WWOX: variants seen among roughly 807,000 people sequenced by gnomAD.
The protein encoded by WWOX is WW domain containing oxidoreductase, also known as WW domain-containing oxidoreductase.
WWOX carries 69 observed loss-of-function variants against 46.2 expected under a neutral mutation model. The ratio of observed to expected loss-of-function variants is 1.49; its 90% CI spans 1.23 to 1.82. The LOEUF is 1.82. WWOX is among the 40% of genes most tolerant of loss of function. The pLI, the probability that WWOX is intolerant of heterozygous loss-of-function variation, is 0.00. For missense variants in WWOX, 919 were observed against 542.6 expected (o/e 1.69, Z -6.89); for synonymous variants, 359 against 202.6 (o/e 1.77, Z -6.56).
intron 8 of WWOX, chr16:78,899,081 C>G (rs568477882): frequency 1.3e-5 from 2 of 151,694 alleles, no homozygotes; most frequent in East Asian, 1.9e-4. Flanking sequence ...GCTTTTGTTT[C>G]TTTTTCTTGT....
chr16:78,658,784 C>T (rs1243169634), intron 8 of WWOX, among the ~76,000 whole-genome samples: 1 of 151,878 alleles, frequency 6.6e-6, no homozygotes, highest in Non-Finnish European at 1.5e-5. Flanking sequence ...GTGAAGATTC[C>T]ATTTCTAAAT....
chr16:78,426,653 C>G (rs550709773), intron 7 of WWOX, among the ~76,000 whole-genome samples: 1 of 152,056 alleles, frequency 6.6e-6, no homozygotes, highest in South Asian at 2.1e-4. Flanking sequence ...CTTTGCACAT[C>G]GTTATTTATT....
chr16:78,113,260 C>A (rs1288521058), intron 3 of WWOX, among the ~76,000 whole-genome samples: 2 of 152,142 alleles, frequency 1.3e-5, no homozygotes, highest in Admixed American at 6.5e-5. Context: ...TAATAGTCAT[C>A]CAGGGGATCC....
At chr16:79,065,563 G>A (rs968680119) in intron 8 of WWOX, among the ~76,000 whole-genome samples, 1 of 152,164 alleles carries the variant, frequency 6.6e-6, no homozygotes, top group Non-Finnish European at 1.5e-5. Context: ...AAAAAAACCA[G>A]TCTTAGGTTC....
chr16:78,742,690 C>T (rs2049257849), intron 8 of WWOX, among the ~76,000 whole-genome samples: 1 of 152,148 alleles, frequency 6.6e-6, no homozygotes, highest in African/African-American at 2.4e-5. Flanking sequence ...GAGCGTTCTG[C>T]CCTGCGGTTT....
At chr16:78,711,055 C>G (rs2048434768) in intron 8 of WWOX, among the ~76,000 whole-genome samples, 1 of 152,200 alleles carries the variant, frequency 6.6e-6, no homozygotes, top group Non-Finnish European at 1.5e-5. Context: ...CGACAGGCAT[C>G]TTAGAAAGTG....
chr16:78,764,709 G>A lies in WWOX; in HGVS notation c.1056+331957G>A, dbSNP rs939771322. Among the ~76,000 whole-genome samples, 5 of 150,702 alleles carry A rather than the reference G, an allele frequency of 3.3e-5. No individual in the cohort carries two copies. In the East Asian group the frequency reaches 1.0e-3, roughly 30 times the overall value. On this transcript the variant is annotated intron_variant, in intron 8 of 8. Coordinates refer to ENST00000566780, the MANE Select transcript of WWOX (RefSeq NM_016373.4). The stretch of plus-strand genomic sequence containing the variant: ...CAGTTTCCTCATCTGCAAAATGGGT[G>A]CAATTCTAGTACCTCCTTCCTAAGG...
intron 5 of WWOX, among the ~76,000 whole-genome samples, chr16:78,185,290 C>G (rs1047460005): frequency 6.6e-6 from 1 of 152,166 alleles, no homozygotes; most frequent in African/African-American, 2.4e-5. Context: ...TTTAATGCAA[C>G]ATGGAATCAG....
At chr16:78,595,478 A>T (rs2045466644) in intron 8 of WWOX, among the ~76,000 whole-genome samples, 1 of 152,164 alleles carries the variant, frequency 6.6e-6, no homozygotes, top group Admixed American at 6.5e-5. Context: ...TTTGCAACTA[A>T]CATACTCACT....
chr16:78,143,825 T>C, intron 4 of WWOX, among the ~76,000 whole-genome samples: 1 of 151,058 alleles, frequency 6.6e-6, no homozygotes, highest in East Asian at 1.9e-4. Flanking sequence ...TTCGTTTCCT[T>C]ACCTTGGTTG....
chr16:79,146,892 C>A (rs551958489), intron 8 of WWOX, among the ~76,000 whole-genome samples: 4 of 152,106 alleles, frequency 2.6e-5, no homozygotes, highest in Non-Finnish European at 4.4e-5. Context: ...ACATGTGTCC[C>A]TTCATGTCTA....
chr16:78,734,032 C>G (rs1027941208), intron 8 of WWOX, among the ~76,000 whole-genome samples: 1 of 151,816 alleles, frequency 6.6e-6, no homozygotes, highest in African/African-American at 2.4e-5. Context: ...TGCACTGTAG[C>G]CTGGGTGATA....
rs146349192 is a variant in WWOX, at chr16:79,097,692, T to C, written c.1057-113916T>C. On this transcript the variant is annotated intron_variant, in intron 8 of 8. Coordinates refer to ENST00000566780, the MANE Select transcript of WWOX (RefSeq NM_016373.4). Reference sequence around the variant, plus strand: ...GAACGCTGTGCAATTTAATTCTGTTTCCAAAAGATCTTTGGAGGATAAAGG... The same window carrying C: ...GAACGCTGTGCAATTTAATTCTGTTCCCAAAAGATCTTTGGAGGATAAAGG... Among the ~76,000 whole-genome samples, 8 of 152,270 alleles carry C rather than the reference T, an allele frequency of 5.3e-5. No homozygotes were observed. The East Asian group carries it at 9.7e-4, about 18-fold the overall frequency.
At chr16:78,524,889 A>G (rs2043427205) in intron 8 of WWOX, among the ~76,000 whole-genome samples, 1 of 109,032 alleles carries the variant, frequency 9.2e-6, no homozygotes, top group Non-Finnish European at 1.7e-5. Context: ...TTTTTGAGGC[A>G]GGCCTTAGGT....
At chr16:78,572,558 G>A (rs1597287119) in intron 8 of WWOX, among the ~76,000 whole-genome samples, 1 of 121,958 alleles carries the variant, frequency 8.2e-6, no homozygotes, top group Non-Finnish European at 1.6e-5. Flanking sequence ...AGCCATGATT[G>A]TACCACTGCA....
intron 8 of WWOX, among the ~76,000 whole-genome samples, chr16:78,661,249 C>G (rs1341517285): frequency 2.6e-5 from 4 of 152,174 alleles, no homozygotes; most frequent in Non-Finnish European, 4.4e-5. Flanking sequence ...TTATCTCCAG[C>G]AGCAGCAACA....
intron 4 of WWOX, among the ~76,000 whole-genome samples, chr16:78,154,705 C>T (rs1175878385): frequency 6.6e-6 from 1 of 152,018 alleles, no homozygotes; most frequent in African/African-American, 2.4e-5. Context: ...CCAAGTGCTA[C>T]TGCGGGGTTT....
intron 8 of WWOX, among the ~76,000 whole-genome samples, chr16:78,790,623 TTTTC>T (rs2050571571): frequency 6.6e-6 from 1 of 152,148 alleles, no homozygotes; most frequent in African/African-American, 2.4e-5. Flanking sequence ...GGCAGATTAA[TTTTC>T]TTTCTTTCTT....
In WWOX at chr16:79,048,954, C is replaced by G. The variant is rs191683264; in HGVS notation, c.1057-162654C>G. Reference sequence around the variant, plus strand: ...AGAGATGGGAGTTAAACACAGGTGTCCACTGGAGTCATGATTCCTCTATTC... The same window carrying G: ...AGAGATGGGAGTTAAACACAGGTGTGCACTGGAGTCATGATTCCTCTATTC... On this transcript the variant is annotated intron_variant, in intron 8 of 8. Coordinates refer to ENST00000566780, the MANE Select transcript of WWOX (RefSeq NM_016373.4). Among the ~76,000 whole-genome samples, 211 of 152,284 alleles carry G rather than the reference C, an allele frequency of 1.4e-3. 1 individual carries two copies. Among genetic ancestry groups the G allele is most frequent in the Middle Eastern group, 0.01 (3 of 294 alleles).
Sources: allele counts gnomAD v4.1 joint callset (sites outside exome capture counted in the v4.1 genomes callset), GRCh38; gene constraint gnomAD v4.1.1; transcripts MANE v1.5; gene names NCBI Gene and HGNC (gene_info 2026-07-23, HGNC 2026-07-21).